Variants in MAN2A1 observed in about 807,000 individuals in gnomAD.
MAN2A1 encodes the protein alpha-mannosidase 2.
A neutral mutation model predicts 142.6 loss-of-function variants in MAN2A1; 76 were observed. That is an observed-to-expected ratio of 0.53 (90% CI 0.44 to 0.65). The LOEUF is 0.65. Among genes scored for constraint, MAN2A1 ranks in the 30% least tolerant of loss-of-function variants. MAN2A1 has a pLI of 0.00. For synonymous variants in MAN2A1, 559 were observed against 473.2 expected (o/e 1.18, Z -2.35); for missense variants, 1,311 against 1,365.1 (o/e 0.96, Z 0.62).
chr5:109,790,840 G>T (rs1415465955), intron 12 of MAN2A1, among the ~76,000 whole-genome samples: 1 of 152,010 alleles, frequency 6.6e-6, no homozygotes, highest in East Asian at 1.9e-4. Context: ...CCATCTCTGG[G>T]TGCTCTTATG....
intron 16 of MAN2A1, among the ~76,000 whole-genome samples, chr5:109,824,780 C>G (rs1263261125): frequency 6.6e-6 from 1 of 152,140 alleles, no homozygotes; most frequent in Non-Finnish European, 1.5e-5. Flanking sequence ...CAGGGAATCT[C>G]TTAAATCACA....
intron 19 of MAN2A1, among the ~76,000 whole-genome samples, chr5:109,849,424 T>A (rs1369143460): frequency 6.6e-6 from 1 of 152,152 alleles, no homozygotes; most frequent in African/African-American, 2.4e-5. Context: ...ACCTGGCCCA[T>A]TTTCAGTGTT....
intron 1 of MAN2A1, among the ~76,000 whole-genome samples, chr5:109,693,242 T>C (rs1405239035): frequency 2.0e-5 from 3 of 152,176 alleles, no homozygotes; most frequent in African/African-American, 4.8e-5. Context: ...ATGAAAACCA[T>C]TGTGTAGTCC....
In MAN2A1 at chr5:109,867,479, A is replaced by G. The variant is rs1270236343; in HGVS notation, c.*481A>G. 6.5e-6 allele frequency: 1 copy of G among 152,680 alleles called. No homozygotes were observed. The highest frequency in any genetic ancestry group is 1.5e-5 in the Non-Finnish European group (1 of 68,076). 9.5% of individuals were successfully genotyped at this position (152,680 alleles called of 1,614,324 possible). Reference sequence around the variant, plus strand: ...ATCATTCATACTAGTTAGAAAAATTATGTGTTGAAATAAGTGGAAAAGTGC... The same window carrying G: ...ATCATTCATACTAGTTAGAAAAATTGTGTGTTGAAATAAGTGGAAAAGTGC... On this transcript the variant is annotated 3_prime_UTR_variant, in exon 22 of 22. Transcript: ENST00000261483.
intron 4 of MAN2A1, among the ~76,000 whole-genome samples, chr5:109,729,755 G>A (rs1003018140): frequency 3.3e-5 from 5 of 152,172 alleles, no homozygotes; most frequent in Non-Finnish European, 7.3e-5. Flanking sequence ...CACTTTGGGA[G>A]GCCGAGGTGG....
intron 12 of MAN2A1, among the ~76,000 whole-genome samples, chr5:109,816,836 C>G (rs888786329): frequency 3.9e-5 from 6 of 152,096 alleles, no homozygotes; most frequent in Non-Finnish European, 7.4e-5. Context: ...AGCATTAATT[C>G]TTTAGAAAGG....
At chr5:109,761,184 A>C (rs1042769648) in intron 5 of MAN2A1, among the ~76,000 whole-genome samples, 6 of 151,076 alleles carry the variant, frequency 4.0e-5, no homozygotes, top group African/African-American at 1.5e-4. Flanking sequence ...AAAATCATAA[A>C]ATGAAAATTA....
intron 16 of MAN2A1, among the ~76,000 whole-genome samples, chr5:109,825,689 G>A (rs562271713): frequency 6.6e-6 from 1 of 152,054 alleles, no homozygotes; most frequent in Non-Finnish European, 1.5e-5. Flanking sequence ...CTAAATGCTT[G>A]TCATTTTTCC....
chr5:109,832,820 C>G (rs1754953565), intron 16 of MAN2A1, among the ~76,000 whole-genome samples: 1 of 151,832 alleles, frequency 6.6e-6, no homozygotes. Context: ...GGGGGCTGTC[C>G]CCCACCTCCT....
At chr5:109,746,621 G>T in intron 4 of MAN2A1, among the ~76,000 whole-genome samples, 1 of 139,286 alleles carries the variant, frequency 7.2e-6, no homozygotes, top group South Asian at 2.3e-4. Context: ...TTGTAAATAA[G>T]CATAACATAA....
intron 7 of MAN2A1, among the ~76,000 whole-genome samples, chr5:109,771,767 A>G (rs1336110984): frequency 6.6e-6 from 1 of 152,154 alleles, no homozygotes; most frequent in East Asian, 1.9e-4. Flanking sequence ...GTTTATATTT[A>G]CAGGTATTTA....
chr5:109,713,875 C>G, intron 2 of MAN2A1, 101 bp downstream of exon 2: 2 of 1,065,102 alleles, frequency 1.9e-6, no homozygotes, highest in Non-Finnish European at 2.7e-6. Context: ...TGCTTAAACT[C>G]TTTGGATTCT....
At chr5:109,699,677 G>C (rs1291169635) in intron 1 of MAN2A1, 1 of 154,632 alleles carries the variant, frequency 6.5e-6, no homozygotes, top group South Asian at 2.1e-4. Flanking sequence ...CCTCCATCAG[G>C]GATGGTCATC....
intron 4 of MAN2A1, among the ~76,000 whole-genome samples, chr5:109,732,742 C>A (rs10477975): frequency 0.25 from 38,576 of 151,938 alleles, 5,484 homozygotes; most frequent in East Asian, 0.64. Flanking sequence ...TGGTACCAGT[C>A]CCATGCTGTT....
At chr5:109,808,765 A>G (rs1160738620) in intron 12 of MAN2A1, among the ~76,000 whole-genome samples, 2 of 146,802 alleles carry the variant, frequency 1.4e-5, no homozygotes, top group Admixed American at 6.9e-5. Flanking sequence ...GTGCAGTGAT[A>G]CAGTCTCGGC....
chr5:109,766,228 G>A (rs1423211582), intron 5 of MAN2A1, among the ~76,000 whole-genome samples: 1 of 152,094 alleles, frequency 6.6e-6, no homozygotes, highest in African/African-American at 2.4e-5. Flanking sequence ...TTATCTTACT[G>A]TGAAAATTCT....
chr5:109,780,577 A>G (rs987100822), intron 8 of MAN2A1, among the ~76,000 whole-genome samples: 3 of 151,664 alleles, frequency 2.0e-5, no homozygotes, highest in Non-Finnish European at 4.4e-5. Context: ...CAAAATCCGC[A>G]TCTTTCTTTT....
intron 1 of MAN2A1, among the ~76,000 whole-genome samples, chr5:109,708,994 C>G (rs1012632650): frequency 6.6e-6 from 1 of 152,198 alleles, no homozygotes; most frequent in Admixed American, 6.5e-5. Flanking sequence ...CTCAATAATT[C>G]TAATCAATTG....
intron 5 of MAN2A1, among the ~76,000 whole-genome samples, chr5:109,758,036 T>C (rs1293769348): frequency 6.6e-6 from 1 of 152,184 alleles, no homozygotes; most frequent in Non-Finnish European, 1.5e-5. Context: ...ACTCTACCTT[T>C]CTTCCTAGGA....
Sources: allele counts gnomAD v4.1 joint callset (sites outside exome capture counted in the v4.1 genomes callset), GRCh38; gene constraint gnomAD v4.1.1; transcripts MANE v1.5; gene names NCBI Gene and HGNC (gene_info 2026-07-23, HGNC 2026-07-21).